THSD4: variants seen among roughly 807,000 people sequenced by gnomAD.
THSD4 encodes thrombospondin type 1 domain containing 4.
In THSD4, 69 loss-of-function variants were observed where a neutral mutation model predicts 119.0. The ratio of observed to expected loss-of-function variants is 0.58; its 90% CI spans 0.48 to 0.71. The LOEUF (loss-of-function observed/expected upper bound fraction) is 0.71, where lower values mean the gene tolerates loss of function less well. Ranked by LOEUF, THSD4 falls within the 30% of genes least tolerant of loss-of-function variation. The pLI is 0.00. For synonymous variants in THSD4, 524 were observed against 540.4 expected, an observed-to-expected ratio of 0.97 and a Z score of 0.42; for missense variants, 1,393 against 1,391.1, an observed-to-expected ratio of 1.00 and a Z score of -0.02.
chr15:71,726,925 G>A (rs1479525047), intron 8 of THSD4, among the ~76,000 whole-genome samples: 3 of 148,578 alleles, frequency 2.0e-5, no homozygotes, highest in South Asian at 2.1e-4. Flanking sequence ...CAACAAGAAC[G>A]AAACGCCATC....
chr15:71,345,314 T>TG (rs1334285725), intron 6 of THSD4, among the ~76,000 whole-genome samples: 1 of 152,056 alleles, frequency 6.6e-6, no homozygotes, highest in Non-Finnish European at 1.5e-5. Context: ...GCTCCCATCC[T>TG]GGGCCAGAGG....
chr15:71,592,905 G>T (rs148139637), intron 7 of THSD4, among the ~76,000 whole-genome samples: 1 of 152,088 alleles, frequency 6.6e-6, no homozygotes, highest in African/African-American at 2.4e-5. Flanking sequence ...GCTTAGTTCT[G>T]TGAGGTCAGC....
At chr15:71,672,595 G>A (rs901454159) in intron 8 of THSD4, among the ~76,000 whole-genome samples, 7 of 152,174 alleles carry the variant, frequency 4.6e-5, no homozygotes, top group Admixed American at 4.6e-4. Flanking sequence ...TCCAGTTTTT[G>A]CCCATTCAGT....
At chr15:71,643,018 C>A (rs1301694410) in intron 7 of THSD4, among the ~76,000 whole-genome samples, 1 of 152,166 alleles carries the variant, frequency 6.6e-6, no homozygotes, top group Non-Finnish European at 1.5e-5. Flanking sequence ...TCCTGCTCAA[C>A]ATCTTACTCA....
At chr15:71,407,412 T>C (rs1156610766) in intron 6 of THSD4, among the ~76,000 whole-genome samples, 5 of 152,190 alleles carry the variant, frequency 3.3e-5, no homozygotes, top group African/African-American at 1.2e-4. Context: ...GTTAACTCCT[T>C]TTCTATTTTC....
chr15:71,131,413 A>G (rs929767793), intron 1 of THSD4, among the ~76,000 whole-genome samples: 4 of 152,062 alleles, frequency 2.6e-5, no homozygotes, highest in African/African-American at 9.7e-5. Context: ...TCATTTCAAA[A>G]CATGGCCGGG....
intron 6 of THSD4, among the ~76,000 whole-genome samples, chr15:71,278,985 C>T (rs2044621846): frequency 1.3e-5 from 2 of 152,170 alleles, no homozygotes; most frequent in Admixed American, 6.5e-5. Flanking sequence ...CATGCTCCAG[C>T]AAATTATGCT....
chr15:71,620,156 A>G (rs746538884), intron 7 of THSD4, among the ~76,000 whole-genome samples: 1 of 152,220 alleles, frequency 6.6e-6, no homozygotes, highest in Non-Finnish European at 1.5e-5. Context: ...CAGCCACTTT[A>G]GTACCTGTGA....
At chr15:71,458,276 G>A (rs1410407862) in intron 7 of THSD4, among the ~76,000 whole-genome samples, 1 of 152,148 alleles carries the variant, frequency 6.6e-6, no homozygotes, top group African/African-American at 2.4e-5. Context: ...ATAAATACAC[G>A]TGGAAATATG....
intron 2 of THSD4, among the ~76,000 whole-genome samples, chr15:71,151,090 T>C (rs2040718209): frequency 6.6e-6 from 1 of 152,030 alleles, no homozygotes; most frequent in Admixed American, 6.5e-5. Flanking sequence ...GGGACCACTG[T>C]TTTTTGTAGG....
intron 1 of THSD4, among the ~76,000 whole-genome samples, chr15:71,119,886 T>A (rs573382184): frequency 2.0e-5 from 3 of 152,268 alleles, no homozygotes; most frequent in Non-Finnish European, 2.9e-5. Flanking sequence ...AGTTTCCCCA[T>A]GTGTAACAAG....
chr15:71,128,307 A>G (rs1283238537), intron 1 of THSD4, among the ~76,000 whole-genome samples: 1 of 152,056 alleles, frequency 6.6e-6, no homozygotes, highest in East Asian at 1.9e-4. Flanking sequence ...TGGGTAGATC[A>G]CCTGAGGTCA....
At chr15:71,114,393 C>G (rs2040334550), upstream of THSD4, among the ~76,000 whole-genome samples, 1 of 152,154 alleles carries the variant, frequency 6.6e-6, no homozygotes, top group South Asian at 2.1e-4. Context: ...CCCCTGCAGG[C>G]AAGCTTTAGA....
intron 6 of THSD4, among the ~76,000 whole-genome samples, chr15:71,299,976 A>AAAAATATATATATAT (rs1555462049): frequency 2.1e-5 from 1 of 48,320 alleles, no homozygotes; most frequent in African/African-American, 7.7e-5. Context: ...AAAAAAAAAA[A>AAAAATATATATATAT]ATATATATAT....
rs769831708 is a variant in THSD4, at chr15:71,421,158, CAAAAAAAAAAAA to C, written c.1152+9354_1152+9365del. Among the ~76,000 whole-genome samples, 14 of 18,788 alleles carry C rather than the reference CAAAAAAAAAAAA, an allele frequency of 7.5e-4. 3 individuals carry two copies. In the East Asian group the frequency reaches 0.022, roughly 29 times the overall value. 12.3% of individuals were successfully genotyped at this position (18,788 alleles called of 152,430 possible). On this transcript the variant is annotated intron_variant, in intron 7 of 17. Coordinates refer to ENST00000261862, the MANE Select transcript of THSD4 (RefSeq NM_024817.3). ...TGGGTGATGGAGTGAGACTCCGTCTCAAAAAAAAAAAAAAAAAAAAAAAAAAAAAAGGAGTAG... is the reference window on the plus strand; with the variant it reads ...TGGGTGATGGAGTGAGACTCCGTCTCAAAAAAAAAAAAAAAAAAGGAGTAG...
chr15:71,279,562 G>A (rs1021217462), intron 6 of THSD4, among the ~76,000 whole-genome samples: 2 of 152,184 alleles, frequency 1.3e-5, no homozygotes, highest in Admixed American at 6.5e-5. Context: ...ATATGTTCTT[G>A]TGGCATCTCC....
chr15:71,684,456 A>G (rs2051863697), intron 8 of THSD4, among the ~76,000 whole-genome samples: 1 of 152,034 alleles, frequency 6.6e-6, no homozygotes, highest in Non-Finnish European at 1.5e-5. Context: ...AAATATTTTA[A>G]TTGAATATAT....
chr15:71,741,685 ACACACACACACACAC>A (rs2053238616), intron 11 of THSD4, among the ~76,000 whole-genome samples: 2 of 478 alleles, frequency 4.2e-3, no homozygotes, highest in Admixed American at 0.17. Flanking sequence ...GTGTGCATGT[ACACACACACACACAC>A]ACACACACAC....
chr15:71,281,041 T>C (rs367825454), intron 6 of THSD4, among the ~76,000 whole-genome samples: 3 of 152,248 alleles, frequency 2.0e-5, no homozygotes, highest in African/African-American at 7.2e-5. Flanking sequence ...GTGGATTCTA[T>C]AGATACGCCC....
Sources: gnomAD v4.1 joint callset for allele counts (sites outside exome capture counted in the v4.1 genomes callset) on GRCh38, gnomAD v4.1.1 for gene constraint, MANE v1.5 for transcripts, NCBI Gene and HGNC (gene_info 2026-07-23, HGNC 2026-07-21) for gene names.